MEIKIN: variants seen among roughly 807,000 people sequenced by gnomAD.
MEIKIN encodes meiotic kinetochore factor.
At chr5:131,871,854 C>G (rs934496101) in intron 9 of MEIKIN, among the ~76,000 whole-genome samples, 10 of 152,182 alleles carry the variant, frequency 6.6e-5, no homozygotes, top group Non-Finnish European at 1.2e-4. Flanking sequence ...ATCCGATGTT[C>G]TGCAGCCACC....
At chr5:131,926,293 T>C (rs552852848) in intron 5 of MEIKIN, among the ~76,000 whole-genome samples, 1 of 152,220 alleles carries the variant, frequency 6.6e-6, no homozygotes, top group Non-Finnish European at 1.5e-5. Context: ...ACTGAAATTA[T>C]CGTGTAATTG....
At chr5:131,942,435 A>G (rs1425977096) in intron 4 of MEIKIN, among the ~76,000 whole-genome samples, 200 bp downstream of exon 4, 1 of 152,258 alleles carries the variant, frequency 6.6e-6, no homozygotes, top group African/African-American at 2.4e-5. Context: ...TACAGTACTT[A>G]TCACAAGTAA....
chr5:131,843,756 C>T (rs758205512), intron 11 of MEIKIN, among the ~76,000 whole-genome samples: 14 of 152,220 alleles, frequency 9.2e-5, no homozygotes, highest in Non-Finnish European at 1.6e-4. Flanking sequence ...AAGTTCCAAA[C>T]CTTCCCTCAT....
intron 7 of MEIKIN, among the ~76,000 whole-genome samples, chr5:131,916,492 G>A (rs1432482831): frequency 2.0e-5 from 3 of 152,194 alleles, no homozygotes; most frequent in East Asian, 1.9e-4. Flanking sequence ...AAGTGCTGTC[G>A]GTACCTCAGT....
chr5:131,829,716 G>A (rs955262803), intron 11 of MEIKIN, among the ~76,000 whole-genome samples: 12 of 152,236 alleles, frequency 7.9e-5, no homozygotes, highest in African/African-American at 2.9e-4. Flanking sequence ...TAGGGTCTCT[G>A]CAGACTTAAT....
chr5:131,896,852 C>A (rs990867932), intron 8 of MEIKIN, among the ~76,000 whole-genome samples: 3 of 152,180 alleles, frequency 2.0e-5, no homozygotes, highest in African/African-American at 7.2e-5. Flanking sequence ...CAATCTGTGT[C>A]TTTTAATTGG....
intron 11 of MEIKIN, among the ~76,000 whole-genome samples, chr5:131,824,467 A>C (rs1749574852): frequency 6.6e-6 from 1 of 152,092 alleles, no homozygotes. Context: ...TTACTGTGAG[A>C]TATAATCCCA....
At chr5:131,908,168 T>C (rs1751274171) in intron 8 of MEIKIN, among the ~76,000 whole-genome samples, 2 of 152,316 alleles carry the variant, frequency 1.3e-5, no homozygotes, top group South Asian at 2.1e-4. Context: ...TGAAGAATAC[T>C]GATGTAAAAA....
In MEIKIN at chr5:131,869,561, CTT is replaced by C. The variant is rs554549100; in HGVS notation, c.774+9415_774+9416del. On this transcript the variant is annotated intron_variant, in intron 9 of 12. Coordinates refer to ENST00000442687, the MANE Select transcript of MEIKIN (RefSeq NM_001303622.2). ...AAAATACTTTCTCCTGAGGCCAGGC[CTT>C]GTTACAAAAAACAAAAACAAAAACA... Among the ~76,000 whole-genome samples the C allele has an allele frequency of 2.4e-4, 36 of 152,312 alleles. 1 individual carries two copies. The South Asian group carries it at 6.8e-3, about 29-fold the overall frequency.
intron 8 of MEIKIN, among the ~76,000 whole-genome samples, chr5:131,890,398 G>A (rs908243410): frequency 6.6e-6 from 1 of 152,158 alleles, no homozygotes; most frequent in Non-Finnish European, 1.5e-5. Context: ...GGTCTACTCA[G>A]AGATTCAACT....
At chr5:131,880,429 C>CG (rs1339624019) in intron 8 of MEIKIN, among the ~76,000 whole-genome samples, 1 of 135,428 alleles carries the variant, frequency 7.4e-6, no homozygotes, top group Non-Finnish European at 1.6e-5. Flanking sequence ...TAAGTAGAGA[C>CG]GGGGGTCTCA....
chr5:131,858,329 A>C (rs1260455025), intron 9 of MEIKIN, among the ~76,000 whole-genome samples: 2 of 152,204 alleles, frequency 1.3e-5, no homozygotes, highest in Non-Finnish European at 2.9e-5. Context: ...AAAAACAAGC[A>C]ATGGGGAAAG....
At chr5:131,862,075 G>A (rs1580877071) in intron 9 of MEIKIN, among the ~76,000 whole-genome samples, 2 of 152,166 alleles carry the variant, frequency 1.3e-5, no homozygotes, top group Non-Finnish European at 2.9e-5. Flanking sequence ...GAATCCATCT[G>A]ATCCTGGGCT....
At chr5:131,925,322 T>C (rs1333886055) in intron 5 of MEIKIN, among the ~76,000 whole-genome samples, 1 of 152,234 alleles carries the variant, frequency 6.6e-6, no homozygotes, top group East Asian at 1.9e-4. Flanking sequence ...AAAAATGCCA[T>C]TGAGATTTTG....
At chr5:131,812,455 T>G (rs1034828300) in intron 12 of MEIKIN, among the ~76,000 whole-genome samples, 11 of 152,194 alleles carry the variant, frequency 7.2e-5, no homozygotes, top group Non-Finnish European at 1.0e-4. Context: ...CCAAAGGCCT[T>G]CCACCTTTGT....
intron 8 of MEIKIN, among the ~76,000 whole-genome samples, chr5:131,886,033 C>G (rs1750789270): frequency 6.6e-6 from 1 of 152,150 alleles, no homozygotes. Context: ...AAGAATCCAT[C>G]AGAGCCTTTT....
chr5:131,848,124 AAAG>A (rs1377024865), intron 11 of MEIKIN, among the ~76,000 whole-genome samples: 2 of 152,152 alleles, frequency 1.3e-5, no homozygotes, highest in Non-Finnish European at 2.9e-5. Context: ...AGGAACTAGA[AAAG>A]AAGAACCATC....
intron 12 of MEIKIN, among the ~76,000 whole-genome samples, chr5:131,811,808 G>A (rs1302491316): frequency 5.9e-5 from 9 of 152,026 alleles, no homozygotes; most frequent in South Asian, 2.1e-4. Flanking sequence ...GGGTTTCACC[G>A]TGTTAGCCAG....
At chr5:131,839,719 CT>C (rs1749870636) in intron 11 of MEIKIN, among the ~76,000 whole-genome samples, 1 of 152,154 alleles carries the variant, frequency 6.6e-6, no homozygotes, top group Non-Finnish European at 1.5e-5. Context: ...TCCTCGATCC[CT>C]TTGTTTTCAG....
Sources: gnomAD v4.1 joint callset for allele counts (sites outside exome capture counted in the v4.1 genomes callset) on GRCh38, gnomAD v4.1.1 for gene constraint, MANE v1.5 for transcripts, NCBI Gene and HGNC (gene_info 2026-07-23, HGNC 2026-07-21) for gene names.